Variants in FER1L6 observed in about 807,000 individuals in gnomAD.
The protein encoded by FER1L6 is fer-1 like family member 6, also known as fer-1-like protein 6.
Under a neutral mutation model 219.2 loss-of-function variants are expected in FER1L6, and 177 were observed. The ratio of observed to expected loss-of-function variants is 0.81; its 90% CI spans 0.71 to 0.91. The LOEUF is 0.91. FER1L6 is among the 40% of genes least tolerant of loss of function. The probability of loss-of-function intolerance (pLI) is 0.00; values close to 1 mark genes in which losing one functional copy is unlikely to be tolerated. For synonymous variants in FER1L6, 768 were observed against 824.3 expected, an observed-to-expected ratio of 0.93 and a Z score of 1.17; for missense variants, 2,153 against 2,259.9, an observed-to-expected ratio of 0.95 and a Z score of 0.96.
chr8:123,971,845 G>T (rs547753095), intron 6 of FER1L6, among the ~76,000 whole-genome samples: 1 of 152,164 alleles, frequency 6.6e-6, no homozygotes, highest in Non-Finnish European at 1.5e-5. Flanking sequence ...AGGCATGCAG[G>T]GCTCCCAGTA....
chr8:123,896,599 AT>A (rs1323877061), intron 1 of FER1L6, among the ~76,000 whole-genome samples: 1 of 151,660 alleles, frequency 6.6e-6, no homozygotes, highest in African/African-American at 2.4e-5. Flanking sequence ...AGCGTCTATT[AT>A]TTTTTTTCCT....
intron 34 of FER1L6, among the ~76,000 whole-genome samples, chr8:124,092,760 A>G (rs1822092045): frequency 6.6e-6 from 1 of 152,150 alleles, no homozygotes; most frequent in South Asian, 2.1e-4. Flanking sequence ...GGCCTCAGGA[A>G]ACTTGCAGTC....
chr8:123,856,540 G>C (rs900284199), intron 1 of FER1L6, among the ~76,000 whole-genome samples: 1 of 151,390 alleles, frequency 6.6e-6, no homozygotes, highest in Non-Finnish European at 1.5e-5. Flanking sequence ...GCAAAATGAA[G>C]TTAATGCGAT....
chr8:124,118,891 GA>G lies in FER1L6; in HGVS notation c.5342del (p.Asn1781IlefsTer27). Reference protein sequence around the residue: ...FHLVTAEEAEKNPVGKARKEP... With the variant: ...FHLVTAEEAEXNPVGKARKEP... ...ACCTAGTTACAGCAGAAGAAGCTGA[GA>G]AAAATCCTGTTGGAAAAGCCCGAAA... On this transcript the variant is annotated frameshift_variant, in exon 40 of 41. Transcript: ENST00000522917. LOFTEE classifies it high-confidence loss of function. The G allele has an allele frequency of 1.2e-6, 2 of 1,614,032 alleles. No homozygotes were observed. Among genetic ancestry groups the G allele is most frequent in the Non-Finnish European group, 1.7e-6 (2 of 1,179,954 alleles).
intron 33 of FER1L6, among the ~76,000 whole-genome samples, chr8:124,090,515 AGGCCTGTGTGT>A (rs1821983539): frequency 6.6e-6 from 1 of 152,242 alleles, no homozygotes; most frequent in Admixed American, 6.5e-5. Context: ...ATTTCTGGGA[AGGCCTGTGTGT>A]GGCTCTGGAA....
chr8:123,884,691 C>T (rs376789850), intron 1 of FER1L6, among the ~76,000 whole-genome samples: 4 of 152,114 alleles, frequency 2.6e-5, no homozygotes, highest in Non-Finnish European at 4.4e-5. Context: ...AGGACACAAG[C>T]AGAGTGTAGG....
At chr8:124,020,926 C>T (rs368594087) in intron 16 of FER1L6, among the ~76,000 whole-genome samples, 8 of 152,080 alleles carry the variant, frequency 5.3e-5, no homozygotes, top group African/African-American at 1.4e-4. Flanking sequence ...TAAAGACATA[C>T]CCAAGACTGG....
At chr8:124,045,031 G>C (rs1459384881) in intron 20 of FER1L6, among the ~76,000 whole-genome samples, 2 of 152,218 alleles carry the variant, frequency 1.3e-5, no homozygotes, top group African/African-American at 2.4e-5. Flanking sequence ...AAAATGGTGA[G>C]AGCAGTTTTG....
rs1253682556 is a variant in FER1L6 at position 124,111,348 on chromosome 8, C to T, written c.5290-7496C>T. Among the ~76,000 whole-genome samples, 3 of 152,172 alleles carry T rather than the reference C, an allele frequency of 2.0e-5. No individual in the cohort carries two copies. Among genetic ancestry groups the T allele is most frequent in the African/African-American group, 4.8e-5 (2 of 41,432 alleles). ...CATGGTCAGAGCCTTGGCTGAGCAG[C>T]GTGGAACCTGGTCCTGAAAGCCCTG... On this transcript the variant is annotated intron_variant, in intron 39 of 40. Transcript: ENST00000522917. This position sits in a 1 kb window ranked among gnomAD's most constrained non-coding sequence, Gnocchi z 5.0.
Position 124,017,611 on chromosome 8 carries a change from T to C in FER1L6, c.1923-17T>C. 1 of 1,589,360 alleles carries C rather than the reference T, an allele frequency of 6.3e-7. No individual in the cohort carries two copies. Among genetic ancestry groups the C allele is most frequent in the South Asian group, 1.1e-5 (1 of 89,424 alleles). ...TTTCACTAAGTAGGTTTCAAAATTG[T>C]TATTCTTTTCTTATAGTGCCTTTAT... On this transcript the variant is annotated splice_polypyrimidine_tract_variant and intron_variant, in intron 15 of 40. Transcript: ENST00000522917.
intron 39 of FER1L6, among the ~76,000 whole-genome samples, chr8:124,115,343 T>C (rs1586363350): frequency 6.6e-6 from 1 of 152,046 alleles, no homozygotes; most frequent in Admixed American, 6.6e-5. Flanking sequence ...TGAAGAACGA[T>C]ACCCAGAGCA....
Position 124,049,487 on chromosome 8 carries a change from G to A in FER1L6, c.2725-120G>A, listed in dbSNP as rs913646474. 3 of 1,157,124 alleles carry A rather than the reference G, an allele frequency of 2.6e-6. No individual in the cohort carries two copies. In the African/African-American group the frequency reaches 4.6e-5, roughly 18 times the overall value. The allele number at this position is 1,157,124 out of a possible 1,614,324, so 71.7% of individuals were successfully genotyped here. ...AAGAGGAGCTTGGCAGGAGAAAAGA[G>A]TGAGACATGGAAGCTGATGGTTTTG... On this transcript the variant is annotated intron_variant, in intron 21 of 40. Coordinates refer to ENST00000522917, the MANE Select transcript of FER1L6 (RefSeq NM_001039112.2).
intron 32 of FER1L6, among the ~76,000 whole-genome samples, chr8:124,078,983 TTCCCTGCC>T (rs1035386097): frequency 3.9e-5 from 6 of 152,156 alleles, no homozygotes; most frequent in African/African-American, 1.4e-4. Context: ...GGAGCCTCTA[TTCCCTGCC>T]TCCCTGCCTC....
intron 1 of FER1L6, among the ~76,000 whole-genome samples, chr8:123,893,251 A>G (rs939901149): frequency 7.9e-5 from 12 of 152,308 alleles, no homozygotes; most frequent in African/African-American, 2.2e-4. Flanking sequence ...GGTTTCGGAC[A>G]ACTTTGGAGA....
At chr8:124,081,745 T>C (rs557076238) in intron 32 of FER1L6, among the ~76,000 whole-genome samples, 1 of 152,272 alleles carries the variant, frequency 6.6e-6, no homozygotes, top group Admixed American at 6.5e-5. Context: ...TAAATGTAGC[T>C]GGTACTTGTT....
chr8:123,854,791 G>T (rs1816599789), intron 1 of FER1L6, among the ~76,000 whole-genome samples: 1 of 152,140 alleles, frequency 6.6e-6, no homozygotes, highest in African/African-American at 2.4e-5. Context: ...GAGACTGTGG[G>T]AGTGAAACTG....
rs185129155 is a variant in FER1L6, at chr8:124,009,034, T to C, written c.1701-1560T>C. Among the ~76,000 whole-genome samples, 668 of 152,200 alleles carry C rather than the reference T, an allele frequency of 4.4e-3. 1 individual carries two copies. Among genetic ancestry groups the C allele is most frequent in the Middle Eastern group, 0.01 (3 of 290 alleles). ...ACCATTATCAAAAAAATAAAAAAAA[T>C]AGATGTTGGCATGAATGCAGTGAAA... On this transcript the variant is annotated intron_variant, in intron 13 of 40. Coordinates refer to ENST00000522917, the MANE Select transcript of FER1L6 (RefSeq NM_001039112.2).
chr8:123,990,204 C>T (rs373576871), intron 12 of FER1L6, among the ~76,000 whole-genome samples: 11 of 152,124 alleles, frequency 7.2e-5, no homozygotes, highest in African/African-American at 2.7e-4. Context: ...GGAGGCGGAT[C>T]TTGCAGTAAG....
chr8:123,907,962 AC>A (rs199892735), intron 1 of FER1L6, among the ~76,000 whole-genome samples: 2,645 of 152,086 alleles, frequency 0.017, 37 homozygotes, highest in Non-Finnish European at 0.023. Flanking sequence ...CATTGGATAA[AC>A]AGTATCTAAG....
Sources: allele counts gnomAD v4.1 joint callset (sites outside exome capture counted in the v4.1 genomes callset), GRCh38; gene constraint gnomAD v4.1.1; non-coding constraint Gnocchi (gnomAD v3.1); transcripts MANE v1.5; gene names NCBI Gene and HGNC (gene_info 2026-07-23, HGNC 2026-07-21).